The following PRMT3 variants were observed in gnomAD, a reference collection of about 807,000 sequenced individuals.
PRMT3 encodes the protein protein arginine N-methyltransferase 3.
PRMT3 carries 62 observed loss-of-function variants against 71.9 expected under a neutral mutation model. The observed-to-expected ratio is 0.86, with a 90% CI of 0.70 to 1.07. The LOEUF (loss-of-function observed/expected upper bound fraction) is 1.07, where lower values mean the gene tolerates loss of function less well. Ranked by LOEUF, PRMT3 falls within the 50% of genes least tolerant of loss-of-function variation. The pLI is 0.00. For missense variants in PRMT3, 663 were observed against 643.0 expected (o/e 1.03, Z -0.34); for synonymous variants, 213 against 220.4 (o/e 0.97, Z 0.30).
At chr11:20,419,130 C>CAGTTGTCCTGGTCCCATTCA (rs1390189374) in intron 9 of PRMT3, among the ~76,000 whole-genome samples, 2 of 152,188 alleles carry the variant, frequency 1.3e-5, no homozygotes, top group Non-Finnish European at 2.9e-5. Flanking sequence ...GATTATACCA[C>CAGTTGTCCTGGTCCCATTCA]TTTATCTTAC....
At chr11:20,476,270 T>G (rs988194852) in intron 13 of PRMT3, among the ~76,000 whole-genome samples, 1 of 151,966 alleles carries the variant, frequency 6.6e-6, no homozygotes, top group East Asian at 2.0e-4. Context: ...GAAGAATTGC[T>G]TGAACCCAGG....
At chr11:20,389,268 C>T (rs1186966803) in intron 2 of PRMT3, among the ~76,000 whole-genome samples, 1 of 152,186 alleles carries the variant, frequency 6.6e-6, no homozygotes, top group Non-Finnish European at 1.5e-5. Context: ...TACAAGATCA[C>T]TTTTGAAATA....
intron 10 of PRMT3, among the ~76,000 whole-genome samples, chr11:20,441,530 A>G (rs1849901117): frequency 6.6e-6 from 1 of 151,576 alleles, no homozygotes; most frequent in South Asian, 2.1e-4. Context: ...GATGGTCTCG[A>G]TCTCCTGACC....
intron 10 of PRMT3, among the ~76,000 whole-genome samples, chr11:20,446,345 G>A (rs1444336252): frequency 1.2e-5 from 1 of 85,148 alleles, no homozygotes; most frequent in Non-Finnish European, 2.2e-5. Context: ...TTTCTTTTGG[G>A]TTGCATACTC....
At chr11:20,404,211 G>GTTTTTTTTTT (rs71063629) in intron 8 of PRMT3, among the ~76,000 whole-genome samples, 1 of 34,332 alleles carries the variant, frequency 2.9e-5, no homozygotes, top group African/African-American at 1.3e-4. Context: ...ACTTTTCATA[G>GTTTTTTTTTT]TTTTTTTTTT....
At chr11:20,469,556 C>G (rs1850593965) in intron 13 of PRMT3, among the ~76,000 whole-genome samples, 1 of 152,122 alleles carries the variant, frequency 6.6e-6, no homozygotes, top group African/African-American at 2.4e-5. Context: ...TTGAGTATCT[C>G]TTATACAAAA....
intron 9 of PRMT3, among the ~76,000 whole-genome samples, chr11:20,423,438 G>T (rs1235061851): frequency 6.6e-6 from 1 of 152,120 alleles, no homozygotes; most frequent in African/African-American, 2.4e-5. Context: ...CTGGAACACG[G>T]CTGGGCCTTT....
intron 3 of PRMT3, among the ~76,000 whole-genome samples, chr11:20,390,710 T>A (rs116837847): frequency 5.5e-4 from 84 of 152,382 alleles, no homozygotes; most frequent in African/African-American, 1.9e-3. Context: ...CCAGGTGCTG[T>A]GGCTCACGCC....
At chr11:20,495,312 A>G (rs552779812) in intron 15 of PRMT3, among the ~76,000 whole-genome samples, 2 of 152,226 alleles carry the variant, frequency 1.3e-5, no homozygotes, top group South Asian at 4.1e-4. Context: ...CACCGCACCC[A>G]GCCGAGGCCA....
At chr11:20,469,647 A>G (rs1850596123) in intron 13 of PRMT3, among the ~76,000 whole-genome samples, 1 of 152,238 alleles carries the variant, frequency 6.6e-6, no homozygotes, top group African/African-American at 2.4e-5. Context: ...TTCCTAATGC[A>G]GAAATCTGAA....
intron 9 of PRMT3, among the ~76,000 whole-genome samples, chr11:20,416,779 AG>A (rs1270389057): frequency 6.6e-6 from 1 of 152,202 alleles, no homozygotes; most frequent in African/African-American, 2.4e-5. Context: ...CTCATAGAAT[AG>A]CCCGTTATGG....
chr11:20,469,550 G>A (rs575256953), intron 13 of PRMT3, among the ~76,000 whole-genome samples: 2 of 152,258 alleles, frequency 1.3e-5, no homozygotes, highest in African/African-American at 4.8e-5. Flanking sequence ...CACAGGTTGA[G>A]TATCTCTTAT....
intron 9 of PRMT3, among the ~76,000 whole-genome samples, chr11:20,409,654 A>AACACACACACACACACACACAC (rs60686099): frequency 2.8e-4 from 41 of 144,238 alleles, no homozygotes; most frequent in African/African-American, 8.5e-4. Flanking sequence ...GGAATACACA[A>AACACACACACACACACACACAC]ACACACACAC....
rs1240340381 is a variant in PRMT3, at chr11:20,395,982, AAATT to A, written c.560+25_560+28del. The A allele has an allele frequency of 1.9e-6, 3 of 1,610,916 alleles. No individual in the cohort carries two copies. In the Admixed American group the frequency reaches 5.0e-5, roughly 27 times the overall value. ...AATGAAGTAATTTATCAATCTTGCAAAATTAATTGTTTTAGATCTCCAGAATAAT... is the reference window on the plus strand; with the variant it reads ...AATGAAGTAATTTATCAATCTTGCAAAATTGTTTTAGATCTCCAGAATAAT... On this transcript the variant is annotated intron_variant, in intron 6 of 15. Coordinates refer to ENST00000331079, the MANE Select transcript of PRMT3 (RefSeq NM_005788.4).
At chr11:20,459,940 A>T (rs1356244125) in intron 11 of PRMT3, among the ~76,000 whole-genome samples, 1 of 152,178 alleles carries the variant, frequency 6.6e-6, no homozygotes, top group African/African-American at 2.4e-5. Flanking sequence ...CAGAGTTTGC[A>T]TGGCAATGGA....
intron 10 of PRMT3, among the ~76,000 whole-genome samples, chr11:20,430,343 G>A (rs1849629847): frequency 6.6e-6 from 1 of 152,084 alleles, no homozygotes; most frequent in Non-Finnish European, 1.5e-5. Context: ...TAGCAGAGAT[G>A]TACATGTTTT....
At chr11:20,435,800 C>T (rs1352195287) in intron 10 of PRMT3, among the ~76,000 whole-genome samples, 1 of 152,188 alleles carries the variant, frequency 6.6e-6, no homozygotes, top group East Asian at 1.9e-4. Context: ...CTCAGGATCA[C>T]TTTGGCTATT....
intron 10 of PRMT3, among the ~76,000 whole-genome samples, chr11:20,441,193 C>G (rs1228228896): frequency 6.6e-6 from 1 of 151,692 alleles, no homozygotes; most frequent in Non-Finnish European, 1.5e-5. Flanking sequence ...TCAAAGAATC[C>G]TGGTCTTTCA....
intron 15 of PRMT3, among the ~76,000 whole-genome samples, chr11:20,501,012 T>C (rs1851445922): frequency 6.6e-6 from 1 of 152,196 alleles, no homozygotes; most frequent in Non-Finnish European, 1.5e-5. Context: ...ACTCCAGTTG[T>C]ACAGATTGCT....
Sources: gnomAD v4.1 joint callset for allele counts (sites outside exome capture counted in the v4.1 genomes callset) on GRCh38, gnomAD v4.1.1 for gene constraint, MANE v1.5 for transcripts, NCBI Gene and HGNC (gene_info 2026-07-23, HGNC 2026-07-21) for gene names.